The following MPP1 variants were observed in gnomAD, a reference collection of about 807,000 sequenced individuals.
MPP1 encodes the protein 55 kDa erythrocyte membrane protein.
Under a neutral mutation model 38.2 loss-of-function variants are expected in MPP1, and 6 were observed. That is an observed-to-expected ratio of 0.16 (90% CI 0.09 to 0.31). MPP1 has a LOEUF of 0.31. MPP1 is among the 10% of genes least tolerant of loss of function. The pLI is 1.00. For synonymous variants in MPP1, 153 were observed against 146.3 expected, an observed-to-expected ratio of 1.05 and a Z score of -0.33; for missense variants, 293 against 368.9, an observed-to-expected ratio of 0.79 and a Z score of 1.69.
intron 1 of MPP1, among the ~76,000 whole-genome samples, chrX:154,795,765 A>T (rs1557268109): frequency 9.0e-6 from 1 of 111,533 alleles, no homozygotes; most frequent in African/African-American, 3.3e-5. Flanking sequence ...ACCCTGTCTC[A>T]AAAAATAAAA....
rs782605465 is a variant in MPP1 at position 154,805,467 on chromosome X, C to A, written c.-94G>T. 2 of 911,546 alleles carry A rather than the reference C, an allele frequency of 2.2e-6. No homozygotes were observed. The highest frequency in any genetic ancestry group is 4.8e-5 in the South Asian group (2 of 41,857). The allele number at this position is 911,546 out of a possible 1,213,427, so 75.1% of individuals were successfully genotyped here. On this transcript the variant is annotated 5_prime_UTR_variant, in exon 1 of 12. Transcript: ENST00000369534. The stretch of plus-strand genomic sequence containing the variant: ...GGGGCTGCGGAGAAGGCGGGAGACG[C>A]GGTGCGGCTGGGCCAGTCACCGCCC...
At chrX:154,799,913 G>C in intron 1 of MPP1, 149 of 1,035,515 alleles carry the variant, frequency 1.4e-4, no homozygotes, top group East Asian at 7.1e-4. Context: ...AAAAAGAGAT[G>C]AAAAACAAAC....
intron 6 of MPP1, 58 bp from the exon 7 acceptor site, chrX:154,785,215 C>CA: frequency 1.1e-6 from 1 of 910,065 alleles, no homozygotes; most frequent in East Asian, 3.4e-5. Flanking sequence ...CATACCCCCC[C>CA]CAGCCACTCA....
At chrX:154,780,397 A>G (rs1224875003) in intron 11 of MPP1, among the ~76,000 whole-genome samples, 1 of 112,853 alleles carries the variant, frequency 8.9e-6, no homozygotes, top group African/African-American at 3.2e-5. Context: ...TGACCAGATA[A>G]TTCTCAGAAA....
intron 4 of MPP1, among the ~76,000 whole-genome samples, chrX:154,790,631 C>T (rs1459304997): frequency 4.5e-5 from 5 of 111,443 alleles, no homozygotes; most frequent in African/African-American, 1.6e-4. Context: ...CCACGCCTTT[C>T]CCCATACCAA....
chrX:154,779,000 C>A lies in MPP1; in HGVS notation c.*177G>T. The A allele has an allele frequency of 2.2e-6, 1 of 462,071 alleles. No individual in the cohort carries two copies. Among genetic ancestry groups the A allele is most frequent in the Non-Finnish European group, 3.5e-6 (1 of 285,385 alleles). 38.1% of individuals were successfully genotyped at this position (462,071 alleles called of 1,213,427 possible). A position where few individuals can be genotyped will look rare whatever the true frequency, so the allele number is the denominator to read the frequency against. The stretch of plus-strand genomic sequence containing the variant: ...GTGGGGCCCCATCTATCAGGAGAAT[C>A]AACCCTTCAGGAGCCTGAGCAAGAA... On this transcript the variant is annotated 3_prime_UTR_variant, in exon 12 of 12. Transcript: ENST00000369534.
At chrX:154,782,039 C>G in intron 9 of MPP1, 1 of 317,567 alleles carries the variant, frequency 3.1e-6, no homozygotes, top group Non-Finnish European at 5.5e-6. Context: ...ATAGAAAATT[C>G]CTATTATCAT....
chrX:154,785,966 G>A (rs782772895), intron 6 of MPP1, among the ~76,000 whole-genome samples: 11 of 111,979 alleles, frequency 9.8e-5, no homozygotes, highest in Non-Finnish European at 2.1e-4. Context: ...TGGGGAAAAC[G>A]TTTAAGGAAG....
intron 5 of MPP1, among the ~76,000 whole-genome samples, 197 bp downstream of exon 5, chrX:154,789,757 T>C (rs192024889): frequency 1.7e-3 from 186 of 111,253 alleles, no homozygotes; most frequent in Non-Finnish European, 2.6e-3. Flanking sequence ...ATGTTCTCCA[T>C]TGAGGAAAGG....
intron 1 of MPP1, 51 bp from the exon 2 acceptor site, chrX:154,792,336 C>A: frequency 4.3e-6 from 5 of 1,151,629 alleles, no homozygotes; most frequent in Non-Finnish European, 5.8e-6. Context: ...GCAAGGCCCA[C>A]AGCCAGTCCA....
intron 4 of MPP1, 85 bp downstream of exon 4, chrX:154,790,898 C>T (rs2072135150): frequency 2.4e-6 from 2 of 823,613 alleles, no homozygotes; most frequent in African/African-American, 4.1e-5. Flanking sequence ...AATACTTTGA[C>T]AGAGAGATGA....
intron 1 of MPP1, among the ~76,000 whole-genome samples, chrX:154,795,160 C>T (rs781995535): frequency 3.6e-5 from 4 of 111,715 alleles, no homozygotes; most frequent in South Asian, 7.5e-4. Context: ...AAGTAGTATT[C>T]GCTATCAGGT....
chrX:154,801,914 T>C (rs2072271750), intron 1 of MPP1, among the ~76,000 whole-genome samples: 1 of 110,799 alleles, frequency 9.0e-6, no homozygotes, highest in Non-Finnish European at 1.9e-5. Flanking sequence ...CACTTTACTT[T>C]CTAGTATCAG....
chrX:154,781,572 C>G, intron 10 of MPP1, 28 bp downstream of exon 10: 1 of 1,192,974 alleles, frequency 8.4e-7, no homozygotes, highest in Non-Finnish European at 1.1e-6. Context: ...CTGAGCCCAT[C>G]TGTCCCTGCC....
rs1388530759 is a variant in MPP1 at position 154,781,251 on chromosome X, G to A, written c.1212C>T (p.Asp404=). The part of the protein sequence containing the change: ...SPFIVFIAPT[D]QGTQTEALQQ... ...AACCTCTCCTCACCTGAGTGCCCTG[G>A]TCAGTAGGTGCAATGAACACAATGA... The change falls in exon 11 of 12, where the codon GAC becomes GAT. Residue 404 remains aspartate (D), a synonymous_variant. Transcript: ENST00000369534. The A allele has an allele frequency of 2.5e-6, 3 of 1,207,137 alleles. No individual in the cohort carries two copies. The highest frequency in any genetic ancestry group is 3.4e-6 in the Non-Finnish European group (3 of 893,107).
rs1557267686 is a variant in MPP1, at chrX:154,791,034, G to C, written c.360C>G (p.Ile120Met). The C allele has an allele frequency of 8.3e-7, 1 of 1,210,987 alleles. No individual in the cohort carries two copies. The highest frequency in any genetic ancestry group is 1.1e-6 in the Non-Finnish European group (1 of 895,054). Reference protein sequence around the residue: ...SLHVGDEILEINGTNVTNHSV... With the variant: ...SLHVGDEILEMNGTNVTNHSV... ...AATGATTTGTCACATTTGTGCCATTGATTTCTAGGATCTCATCCCCCACGT... is the reference window on the plus strand; with the variant it reads ...AATGATTTGTCACATTTGTGCCATTCATTTCTAGGATCTCATCCCCCACGT... Residue 120 changes from isoleucine to methionine, a missense_variant, in exon 4 of 12, where the codon ATC (isoleucine) becomes ATG (methionine). Transcript: ENST00000369534.
rs368819788 is a variant in MPP1 at position 154,790,462 on chromosome X, C to T, written c.412-440G>A. 1.4e-4 allele frequency among the ~76,000 whole-genome samples: 15 copies of T among 103,477 alleles called. No individual in the cohort carries two copies. In the East Asian group the frequency reaches 4.7e-3, roughly 32 times the overall value. The allele number at this position is 103,477 out of a possible 115,157, so 89.9% of individuals were successfully genotyped here. A position where few individuals can be genotyped will look rare whatever the true frequency, so the allele number is the denominator to read the frequency against. On this transcript the variant is annotated intron_variant, in intron 4 of 11. Transcript: ENST00000369534. ...AGGAGAATCGCTTGAACCCAGGAGG[C>T]GGAGGTTGCAGTGAGCCGAGATCAC...
rs1221331633 is a variant in MPP1 at position 154,781,328 on chromosome X, G to A, written c.1150-15C>T. On this transcript the variant is annotated splice_polypyrimidine_tract_variant and intron_variant, in intron 10 of 11. Coordinates refer to ENST00000369534, the MANE Select transcript of MPP1 (RefSeq NM_002436.4). Reference sequence around the variant, plus strand: ...ATTTTCAGGGTCTAGAAAAAAAAAAGAAGGGCGGCGGGGAGGGGGGGGAAG... The same window carrying A: ...ATTTTCAGGGTCTAGAAAAAAAAAAAAAGGGCGGCGGGGAGGGGGGGGAAG... 2.8e-5 allele frequency: 30 copies of A among 1,053,696 alleles called. No individual in the cohort carries two copies. In the South Asian group the frequency reaches 4.2e-4, roughly 15 times the overall value. The allele number at this position is 1,053,696 out of a possible 1,213,427, so 86.8% of individuals were successfully genotyped here. A position where few individuals can be genotyped will look rare whatever the true frequency, so the allele number is the denominator to read the frequency against.
At position 154,791,854 on chromosome X, in the gene MPP1, T is replaced by C. The variant is rs1453478242; in HGVS notation, c.247-7A>G. Reference sequence around the variant, plus strand: ...TCAGCTTCAGCGTGATTCCCTGAAATAAAGGCGACGGCACAATAAGCTTTA... The same window carrying C: ...TCAGCTTCAGCGTGATTCCCTGAAACAAAGGCGACGGCACAATAAGCTTTA... On this transcript the variant is annotated splice_polypyrimidine_tract_variant and splice_region_variant and intron_variant, in intron 2 of 11. Coordinates refer to ENST00000369534, the MANE Select transcript of MPP1 (RefSeq NM_002436.4). 8.4e-7 allele frequency: 1 copy of C among 1,193,879 alleles called. No homozygotes were observed. The highest frequency in any genetic ancestry group is 2.2e-5 in the Admixed American group (1 of 45,448).
Sources: gnomAD v4.1 joint callset for allele counts (sites outside exome capture counted in the v4.1 genomes callset) on GRCh38, gnomAD v4.1.1 for gene constraint, MANE v1.5 for transcripts, NCBI Gene and HGNC (gene_info 2026-07-23, HGNC 2026-07-21) for gene names.